The following MLIP variants were observed in gnomAD, a reference collection of about 807,000 sequenced individuals.
The protein encoded by MLIP is muscular LMNA-interacting protein.
Under a neutral mutation model 84.8 loss-of-function variants are expected in MLIP, and 79 were observed. That is an observed-to-expected ratio of 0.93 (90% CI 0.78 to 1.12). The LOEUF is 1.12. Ranked by LOEUF, MLIP falls within the 50% of genes most tolerant of loss-of-function variation. The pLI is 0.00. For missense variants in MLIP, 1,257 were observed against 1,160.6 expected (o/e 1.08, Z -1.21); for synonymous variants, 504 against 463.0 (o/e 1.09, Z -1.14).
At chr6:54,116,425 T>G (rs1375643262) in intron 1 of MLIP, among the ~76,000 whole-genome samples, 1 of 152,240 alleles carries the variant, frequency 6.6e-6, no homozygotes, top group Non-Finnish European at 1.5e-5. Flanking sequence ...TTATAATTTA[T>G]ACCACAGAAA....
intron 12 of MLIP, among the ~76,000 whole-genome samples, chr6:54,237,922 T>C (rs1364319192): frequency 6.6e-6 from 1 of 152,220 alleles, no homozygotes; most frequent in African/African-American, 2.4e-5. Flanking sequence ...CTTTGGACTA[T>C]GTATATTGCT....
intron 1 of MLIP, among the ~76,000 whole-genome samples, chr6:54,070,978 A>G (rs1766448887): frequency 6.6e-6 from 1 of 152,156 alleles, no homozygotes; most frequent in African/African-American, 2.4e-5. Flanking sequence ...AAAACATAAT[A>G]TATTTCCCAT....
intron 8 of MLIP, among the ~76,000 whole-genome samples, chr6:54,167,583 T>A (rs190028499): frequency 3.3e-5 from 5 of 152,050 alleles, no homozygotes; most frequent in South Asian, 4.1e-4. Context: ...TTTCTGCTCA[T>A]CCTCATTCAC....
chr6:54,252,532 G>A (rs1388181099), intron 12 of MLIP, among the ~76,000 whole-genome samples: 2 of 141,158 alleles, frequency 1.4e-5, no homozygotes, highest in East Asian at 2.0e-4. Flanking sequence ...ATATAATATA[G>A]ATAATGATAA....
intron 12 of MLIP, among the ~76,000 whole-genome samples, chr6:54,241,659 A>G (rs1330821740): frequency 6.6e-6 from 1 of 152,180 alleles, no homozygotes; most frequent in Non-Finnish European, 1.5e-5. Context: ...TTTATATTAG[A>G]ACTATGTTTT....
chr6:54,171,635 T>C (rs1775778106), intron 9 of MLIP, among the ~76,000 whole-genome samples: 1 of 151,578 alleles, frequency 6.6e-6, no homozygotes, highest in Admixed American at 6.6e-5. Context: ...TCACTTTAGC[T>C]ATAAGCTTTG....
chr6:54,124,930 C>A, intron 3 of MLIP, 65 bp downstream of exon 3: 1 of 1,451,628 alleles, frequency 6.9e-7, no homozygotes, highest in Non-Finnish European at 9.2e-7. Context: ...TTGTCTTGGG[C>A]GGTCTGCAAA....
chr6:54,188,552 C>T (rs536043887), intron 9 of MLIP, among the ~76,000 whole-genome samples: 14 of 152,056 alleles, frequency 9.2e-5, no homozygotes, highest in South Asian at 4.2e-4. Context: ...ATAATTAAGA[C>T]GTTACTAGGT....
intron 1 of MLIP, among the ~76,000 whole-genome samples, chr6:54,062,373 T>C (rs1029244563): frequency 1.3e-5 from 2 of 152,232 alleles, no homozygotes; most frequent in Non-Finnish European, 2.9e-5. Context: ...TTTGAATTCA[T>C]CTACTCTGTT....
intron 8 of MLIP, among the ~76,000 whole-genome samples, chr6:54,166,336 T>TA (rs1431304386): frequency 2.0e-5 from 3 of 152,000 alleles, no homozygotes; most frequent in Admixed American, 6.6e-5. Flanking sequence ...TTGAAAAAGT[T>TA]AAAAAAAGTT....
At chr6:54,171,071 T>C (rs572360925) in intron 9 of MLIP, among the ~76,000 whole-genome samples, 1 of 151,680 alleles carries the variant, frequency 6.6e-6, no homozygotes, top group Non-Finnish European at 1.5e-5. Flanking sequence ...TAGTTTTCAA[T>C]AGGTTCAAAG....
intron 9 of MLIP, among the ~76,000 whole-genome samples, chr6:54,171,295 A>G (rs1775745858): frequency 6.6e-6 from 1 of 151,676 alleles, no homozygotes. Context: ...ATGAACCATC[A>G]AACAGGTTCA....
rs1275871561 is a variant in MLIP at position 54,137,206 on chromosome 6, A to G, written c.1137A>G (p.Pro379=). The change falls in exon 4 of 14, where the codon CCA becomes CCG. Residue 379 remains proline (P), a synonymous_variant. Transcript: ENST00000502396. The part of the protein sequence containing the change: ...VTHSLSPSPK[P]FTSSFHGSSS... ...ATTCACTCTCTCCGAGCCCCAAACC[A>G]TTTACCTCCTCTTTCCACGGCTCTT... is the stretch of plus-strand genomic sequence containing the variant. The G allele has an allele frequency of 5.9e-6, 9 of 1,535,508 alleles. No homozygotes were observed. Among genetic ancestry groups the G allele is most frequent in the African/African-American group, 4.1e-5 (3 of 72,950 alleles).
At chr6:54,173,309 G>T (rs909157885) in intron 9 of MLIP, among the ~76,000 whole-genome samples, 2 of 151,696 alleles carry the variant, frequency 1.3e-5, no homozygotes, top group African/African-American at 4.8e-5. Flanking sequence ...GAAATAGTTT[G>T]CATTCTTTAA....
intron 12 of MLIP, among the ~76,000 whole-genome samples, chr6:54,238,898 C>A (rs1411865283): frequency 4.6e-5 from 7 of 152,108 alleles, no homozygotes. Flanking sequence ...AATGCATGAT[C>A]TTTGTGTGTT....
intron 12 of MLIP, among the ~76,000 whole-genome samples, chr6:54,253,263 T>C (rs1429646242): frequency 6.6e-6 from 1 of 152,222 alleles, no homozygotes; most frequent in South Asian, 2.1e-4. Context: ...TTATGCTCTG[T>C]CTTAGCAGTT....
intron 11 of MLIP, chr6:54,215,065 C>T (rs1040657032): frequency 2.0e-5 from 22 of 1,074,846 alleles, no homozygotes; most frequent in Non-Finnish European, 2.3e-5. Flanking sequence ...CTGGTCTCTG[C>T]CTTTTTGCTC....
At chr6:54,032,415 G>A (rs2150285237) in intron 1 of MLIP, 1 of 152,122 alleles carries the variant, frequency 6.6e-6, no homozygotes, top group South Asian at 2.1e-4. Flanking sequence ...GTGCTGAGGG[G>A]TAGCTTCTCC....
rs534921916 is a variant in MLIP at position 54,248,824 on chromosome 6, A to T, written c.2923-8484A>T. ...TTGAGACTCCAATATAACAATATTA[A>T]TGACCAATATTCAGTAGTGAGTGTT... On this transcript the variant is annotated intron_variant, in intron 12 of 13. Transcript: ENST00000502396. Among the ~76,000 whole-genome samples the T allele has an allele frequency of 3.9e-5, 6 of 152,262 alleles. No individual in the cohort carries two copies. In the South Asian group the frequency reaches 1.2e-3, roughly 32 times the overall value.
Sources: allele counts gnomAD v4.1 joint callset (sites outside exome capture counted in the v4.1 genomes callset), GRCh38; gene constraint gnomAD v4.1.1; transcripts MANE v1.5; gene names NCBI Gene and HGNC (gene_info 2026-07-23, HGNC 2026-07-21).